ATXN1: variants seen among roughly 807,000 people sequenced by gnomAD.
ATXN1 encodes the protein ataxin-1.
In ATXN1, 8 loss-of-function variants were observed where a neutral mutation model predicts 56.4. The observed-to-expected ratio is 0.14, with a 90% CI of 0.08 to 0.26. ATXN1 has a LOEUF of 0.26. ATXN1 is among the 10% of genes least tolerant of loss of function. The pLI, the probability that ATXN1 is intolerant of heterozygous loss-of-function variation, is 1.00. For missense variants in ATXN1, 987 were observed against 1,106.5 expected (o/e 0.89, Z 1.53); for synonymous variants, 514 against 494.6 (o/e 1.04, Z -0.52).
intron 2 of ATXN1, among the ~76,000 whole-genome samples, chr6:16,697,415 T>C (rs772517741): frequency 1.3e-5 from 2 of 152,168 alleles, no homozygotes; most frequent in Admixed American, 6.5e-5. Context: ...ATTTAGAATA[T>C]AGCTGTTGAT....
intron 2 of ATXN1, among the ~76,000 whole-genome samples, chr6:16,730,504 T>TATATATATATATATATATATATATAA (rs1561826415): frequency 2.0e-5 from 3 of 147,276 alleles, no homozygotes; most frequent in African/African-American, 4.9e-5. Context: ...TATATATATA[T>TATATATATATATATATATATATATAA]ATAAATGTAT....
chr6:16,622,055 G>A (rs1397213163), intron 3 of ATXN1, among the ~76,000 whole-genome samples: 1 of 152,232 alleles, frequency 6.6e-6, no homozygotes, highest in Non-Finnish European at 1.5e-5. Context: ...ATTATGATCA[G>A]TGAGCTTCTA....
chr6:16,467,803 G>A (rs1234794808), intron 6 of ATXN1, among the ~76,000 whole-genome samples: 1 of 152,190 alleles, frequency 6.6e-6, no homozygotes, highest in Non-Finnish European at 1.5e-5. Context: ...ATTTTAAACT[G>A]TATTGCCTGT....
chr6:16,720,595 T>C (rs150423257), intron 2 of ATXN1, among the ~76,000 whole-genome samples: 2 of 152,244 alleles, frequency 1.3e-5, no homozygotes, highest in Non-Finnish European at 2.9e-5. Context: ...AAGTCAAGAA[T>C]GCTTACTATT....
At chr6:16,606,615 G>C (rs1028436256) in intron 3 of ATXN1, among the ~76,000 whole-genome samples, 9 of 151,458 alleles carry the variant, frequency 5.9e-5, no homozygotes, top group Non-Finnish European at 1.2e-4. Context: ...TGTGACCTCC[G>C]ACTCCTGGGT....
chr6:16,322,807 G>A lies in ATXN1; in HGVS notation c.1917+3587C>T, dbSNP rs375944841. 3.9e-5 allele frequency among the ~76,000 whole-genome samples: 6 copies of A among 152,206 alleles called. No individual in the cohort carries two copies. The East Asian group carries it at 7.7e-4, about 20-fold the overall frequency. On this transcript the variant is annotated intron_variant, in intron 7 of 7. Coordinates refer to ENST00000436367, the MANE Select transcript of ATXN1 (RefSeq NM_001128164.2). ...GAACCTGTCACTTGTGGCAAACACA[G>A]CTGGTGGAGTATTTTAGCTGTGATG...
intron 5 of ATXN1, among the ~76,000 whole-genome samples, chr6:16,512,986 C>T (rs1217308348): frequency 6.6e-6 from 1 of 152,192 alleles, no homozygotes; most frequent in African/African-American, 2.4e-5. Flanking sequence ...TGGGAATCAC[C>T]ATTGAAACAG....
At chr6:16,639,014 A>C (rs545329685) in intron 3 of ATXN1, among the ~76,000 whole-genome samples, 1 of 152,228 alleles carries the variant, frequency 6.6e-6, no homozygotes, top group East Asian at 1.9e-4. Flanking sequence ...AAATGCACCA[A>C]TGAGTGCTCT....
intron 6 of ATXN1, among the ~76,000 whole-genome samples, chr6:16,481,773 T>TGA (rs1432760867): frequency 1.3e-5 from 2 of 152,124 alleles, no homozygotes; most frequent in East Asian, 3.9e-4. Flanking sequence ...AGCCCCTTTC[T>TGA]AGGGAGATAC....
At chr6:16,467,580 G>A (rs879267602) in intron 6 of ATXN1, among the ~76,000 whole-genome samples, 9 of 152,156 alleles carry the variant, frequency 5.9e-5, no homozygotes, top group African/African-American at 9.7e-5. Context: ...CATCTTTTCT[G>A]AACTAACAAT....
chr6:16,576,507 A>G (rs1359369209), intron 4 of ATXN1, among the ~76,000 whole-genome samples: 1 of 152,212 alleles, frequency 6.6e-6, no homozygotes, highest in Non-Finnish European at 1.5e-5. Context: ...TGACACTTAA[A>G]CCTGTTAATA....
intron 6 of ATXN1, among the ~76,000 whole-genome samples, chr6:16,389,262 G>A (rs1236966249): frequency 3.3e-5 from 5 of 151,470 alleles, no homozygotes; most frequent in South Asian, 2.1e-4. Context: ...GCTTGAACCC[G>A]GGAGGCGGAG....
chr6:16,370,665 T>C (rs765032130), intron 6 of ATXN1, among the ~76,000 whole-genome samples: 11 of 152,350 alleles, frequency 7.2e-5, no homozygotes, highest in Non-Finnish European at 1.3e-4. Flanking sequence ...ATATATAATT[T>C]TCTTTTTTAA....
chr6:16,709,867 TAA>T (rs1378489234), intron 2 of ATXN1, among the ~76,000 whole-genome samples: 1 of 152,190 alleles, frequency 6.6e-6, no homozygotes, highest in African/African-American at 2.4e-5. Flanking sequence ...CACATAATTA[TAA>T]CTGGTTCTTA....
At chr6:16,715,127 C>T (rs535134445) in intron 2 of ATXN1, among the ~76,000 whole-genome samples, 13 of 152,140 alleles carry the variant, frequency 8.5e-5, no homozygotes, top group Non-Finnish European at 1.9e-4. Flanking sequence ...TTGAACTCAT[C>T]GTCCACACTG....
chr6:16,714,160 AAAG>A (rs1251228758), intron 2 of ATXN1, among the ~76,000 whole-genome samples: 3 of 77,214 alleles, frequency 3.9e-5, no homozygotes, highest in Admixed American at 1.6e-4. Context: ...AGAAAAAAAG[AAAG>A]AAAAAAAAAA....
intron 6 of ATXN1, among the ~76,000 whole-genome samples, chr6:16,469,992 T>G (rs955288958): frequency 3.3e-5 from 5 of 149,866 alleles, no homozygotes; most frequent in African/African-American, 4.9e-5. Flanking sequence ...AGAGAGTTGA[T>G]GAATGGTTTC....
At chr6:16,752,147 T>C (rs1490656659) in intron 2 of ATXN1, among the ~76,000 whole-genome samples, 1 of 152,192 alleles carries the variant, frequency 6.6e-6, no homozygotes, top group Non-Finnish European at 1.5e-5. Context: ...ATCTGGTCAA[T>C]TATTGTTTAA....
At chr6:16,541,594 G>T (rs1761714499) in intron 4 of ATXN1, among the ~76,000 whole-genome samples, 2 of 152,172 alleles carry the variant, frequency 1.3e-5, no homozygotes, top group Non-Finnish European at 2.9e-5. Flanking sequence ...AGAAATCTGG[G>T]ATTCTTCCAG....
Sources: allele counts gnomAD v4.1 joint callset (sites outside exome capture counted in the v4.1 genomes callset), GRCh38; gene constraint gnomAD v4.1.1; transcripts MANE v1.5; gene names NCBI Gene and HGNC (gene_info 2026-07-23, HGNC 2026-07-21).